The following GCFC2 variants were observed in gnomAD, a reference collection of about 807,000 sequenced individuals.
GCFC2 encodes GC-rich sequence DNA-binding factor 2.
A neutral mutation model predicts 99.4 loss-of-function variants in GCFC2; 102 were observed. The observed-to-expected ratio is 1.03, with a 90% CI of 0.87 to 1.21. The LOEUF (loss-of-function observed/expected upper bound fraction) is 1.21. Ranked by LOEUF, GCFC2 falls within the 50% of genes most tolerant of loss-of-function variation. The pLI is 0.00. For missense variants in GCFC2, 973 were observed against 920.9 expected, an observed-to-expected ratio of 1.06 and a Z score of -0.73; for synonymous variants, 338 against 316.8, an observed-to-expected ratio of 1.07 and a Z score of -0.71.
At position 75,710,887 on chromosome 2, in the gene GCFC2, C is replaced by T; in HGVS notation, c.-32G>A. 1 of 1,495,836 alleles carries T rather than the reference C, an allele frequency of 6.7e-7. No homozygotes were observed. The highest frequency in any genetic ancestry group is 8.9e-7 in the Non-Finnish European group (1 of 1,129,156). The allele number at this position is 1,495,836 out of a possible 1,614,324, so 92.7% of individuals were successfully genotyped here. A position where few individuals can be genotyped will look rare whatever the true frequency, so the allele number is the denominator to read the frequency against. The stretch of plus-strand genomic sequence containing the variant: ...GGCCCGAGCGCCCGGCGCCCTAGAA[C>T]CCGCTGAACCGCAAGCCGCAGCTTC... On this transcript the variant is annotated 5_prime_UTR_variant, in exon 1 of 17. Coordinates refer to ENST00000321027, the MANE Select transcript of GCFC2 (RefSeq NM_003203.5).
intron 14 of GCFC2, 25 bp from the exon 15 acceptor site, chr2:75,670,309 T>G (rs1287275163): frequency 6.6e-7 from 1 of 1,513,536 alleles, no homozygotes; most frequent in South Asian, 1.1e-5. Flanking sequence ...CAAGTAAATA[T>G]GTACCTTTTC....
At chr2:75,692,125 T>C in intron 6 of GCFC2, 25 bp from the exon 7 acceptor site, 1 of 1,208,356 alleles carries the variant, frequency 8.3e-7, no homozygotes, top group East Asian at 2.9e-5. Flanking sequence ...TAAGTAACAT[T>C]TTGCAGGTCA....
intron 12 of GCFC2, among the ~76,000 whole-genome samples, chr2:75,676,339 G>A (rs1679338337): frequency 6.6e-6 from 1 of 152,118 alleles, no homozygotes; most frequent in Non-Finnish European, 1.5e-5. Flanking sequence ...TTAACAATGA[G>A]AGTTAACAAA....
Position 75,690,023 on chromosome 2 carries a change from ATGT to A in GCFC2, c.1282_1284del (p.Thr428del). ...GCTGAAGGCAGTTCATCATCACTAG[ATGT>A]TCCTTCCTGATGGTTACAATTCCCA... On this transcript the variant is annotated inframe_deletion, in exon 9 of 17. Transcript: ENST00000321027. 6.2e-7 allele frequency: 1 copy of A among 1,610,536 alleles called. No homozygotes were observed. Among genetic ancestry groups the A allele is most frequent in the Non-Finnish European group, 8.5e-7 (1 of 1,177,976 alleles).
chr2:75,677,309 A>G (rs1558735264), intron 12 of GCFC2, among the ~76,000 whole-genome samples: 1 of 152,186 alleles, frequency 6.6e-6, no homozygotes. Context: ...GTCTGACTCA[A>G]TTTTCATTCT....
At position 75,704,080 on chromosome 2, in the gene GCFC2, G is replaced by A. The variant is rs140092826; in HGVS notation, c.395-1657C>T. On this transcript the variant is annotated intron_variant, in intron 2 of 16. Transcript: ENST00000321027. ...CCTGTTTCTGCATATTCAATACCTCGTTCAAGGGTTCTCACACAGCAGATG... is the reference window on the plus strand; with the variant it reads ...CCTGTTTCTGCATATTCAATACCTCATTCAAGGGTTCTCACACAGCAGATG... Among the ~76,000 whole-genome samples the A allele has an allele frequency of 3.6e-3, 546 of 152,266 alleles. 3 individuals carry two copies. The highest frequency in any genetic ancestry group is 0.013 in the African/African-American group (526 of 41,538).
chr2:75,690,794 A>G, intron 7 of GCFC2, 75 bp from the exon 8 acceptor site: 2 of 753,566 alleles, frequency 2.7e-6, no homozygotes, highest in South Asian at 3.1e-5. Context: ...AAATAAAGGT[A>G]ATATCATGGA....
intron 4 of GCFC2, among the ~76,000 whole-genome samples, chr2:75,696,855 G>T (rs921389739): frequency 6.6e-6 from 1 of 151,764 alleles, no homozygotes; most frequent in Non-Finnish European, 1.5e-5. Flanking sequence ...GCACAATCTC[G>T]GCTCACTGCA....
chr2:75,674,231 T>C (rs1024356383), intron 12 of GCFC2, among the ~76,000 whole-genome samples: 1 of 152,244 alleles, frequency 6.6e-6, no homozygotes, highest in African/African-American at 2.4e-5. Context: ...TACTGATTTG[T>C]ACAAGTCTTT....
chr2:75,694,174 C>A, intron 6 of GCFC2, 67 bp downstream of exon 6: 1 of 450,484 alleles, frequency 2.2e-6, no homozygotes, highest in Admixed American at 3.9e-5. Context: ...GAGATTTAGA[C>A]TTTTCTTAAT....
chr2:75,706,907 G>A (rs1680896621), intron 1 of GCFC2, among the ~76,000 whole-genome samples: 1 of 151,842 alleles, frequency 6.6e-6, no homozygotes, highest in Non-Finnish European at 1.5e-5. Flanking sequence ...AAAAGGGAAG[G>A]AGGCATTAGA....
intron 12 of GCFC2, 89 bp from the exon 13 acceptor site, chr2:75,673,609 A>ATCCACAC (rs1679220781): frequency 1.5e-6 from 1 of 667,766 alleles, no homozygotes; most frequent in African/African-American, 1.8e-5. Context: ...GTACAAATTT[A>ATCCACAC]TCCACACTCA....
chr2:75,691,423 C>T (rs1191079779), intron 7 of GCFC2, among the ~76,000 whole-genome samples: 1 of 152,034 alleles, frequency 6.6e-6, no homozygotes, highest in Non-Finnish European at 1.5e-5. Flanking sequence ...ATACGTAATA[C>T]CATTATTTAT....
intron 6 of GCFC2, among the ~76,000 whole-genome samples, chr2:75,692,826 C>T (rs960842647): frequency 4.0e-5 from 6 of 151,772 alleles, no homozygotes; most frequent in South Asian, 2.1e-4. Context: ...TTTGAAAAAT[C>T]GGGGAATGGA....
At chr2:75,707,535 C>A (rs972011023) in intron 1 of GCFC2, among the ~76,000 whole-genome samples, 3 of 148,390 alleles carry the variant, frequency 2.0e-5, no homozygotes. Flanking sequence ...TCAAAAAAGG[C>A]TGGAGTAAAA....
intron 16 of GCFC2, 126 bp downstream of exon 16, chr2:75,665,803 C>T: frequency 1.9e-6 from 1 of 540,006 alleles, no homozygotes. Context: ...AAAATATCTA[C>T]TAACTCTACA....
intron 8 of GCFC2, 161 bp downstream of exon 8, chr2:75,690,477 C>A: frequency 1.7e-6 from 1 of 577,688 alleles, no homozygotes; most frequent in Non-Finnish European, 3.0e-6. Context: ...GTCTTTAAAG[C>A]AGTCAAGGGT....
At position 75,701,174 on chromosome 2, in the gene GCFC2, G is replaced by C; in HGVS notation, c.717+16C>G. 7.7e-7 allele frequency: 1 copy of C among 1,297,830 alleles called. No homozygotes were observed. The allele number at this position is 1,297,830 out of a possible 1,614,324, so 80.4% of individuals were successfully genotyped here. A position where few individuals can be genotyped will look rare whatever the true frequency, so the allele number is the denominator to read the frequency against. On this transcript the variant is annotated intron_variant, in intron 4 of 16. Coordinates refer to ENST00000321027, the MANE Select transcript of GCFC2 (RefSeq NM_003203.5). ...AGCCACAGGAATCTAATACACATGG[G>C]ATAAAAAATGATTACCTCTATGATT...
intron 12 of GCFC2, among the ~76,000 whole-genome samples, chr2:75,679,247 G>C (rs1378002996): frequency 1.3e-5 from 2 of 152,082 alleles, no homozygotes; most frequent in African/African-American, 4.8e-5. Flanking sequence ...TGTAATCACA[G>C]TTCCAAGGGC....
Sources: allele counts gnomAD v4.1 joint callset (sites outside exome capture counted in the v4.1 genomes callset), GRCh38; gene constraint gnomAD v4.1.1; transcripts MANE v1.5; gene names NCBI Gene and HGNC (gene_info 2026-07-23, HGNC 2026-07-21).